Variants in PPP1R42 observed in about 807,000 individuals in gnomAD.
PPP1R42 encodes the protein leucine rich repeat containing 67.
In PPP1R42, 34 loss-of-function variants were observed where a neutral mutation model predicts 31.0. That is an observed-to-expected ratio of 1.10 (90% CI 0.83 to 1.46). The LOEUF (loss-of-function observed/expected upper bound fraction) is 1.46. PPP1R42 is among the 40% of genes most tolerant of loss of function. The pLI, the probability that PPP1R42 is intolerant of heterozygous loss-of-function variation, is 0.00. For missense variants in PPP1R42, 268 were observed against 303.0 expected (o/e 0.88, Z 0.86); for synonymous variants, 103 against 109.8 (o/e 0.94, Z 0.39).
chr8:67,014,378 C>T (rs762208410), intron 3 of PPP1R42, 48 bp downstream of exon 3: 7 of 1,168,238 alleles, frequency 6.0e-6, no homozygotes, highest in African/African-American at 3.2e-5. Flanking sequence ...AATGTAAGTA[C>T]CATAATCATA....
intron 6 of PPP1R42, chr8:66,985,788 GTCCATCA>G: frequency 8.2e-7 from 1 of 1,219,748 alleles, no homozygotes. Context: ...ATTTTGCTGC[GTCCATCA>G]TCTGTTTGAT....
intron 7 of PPP1R42, among the ~76,000 whole-genome samples, chr8:66,965,174 C>G (rs1018053825): frequency 6.6e-6 from 1 of 150,962 alleles, no homozygotes; most frequent in Non-Finnish European, 1.5e-5. Context: ...GTTTGTTTAT[C>G]CATTCCTCAG....
At chr8:66,965,359 A>G (rs981336225) in intron 7 of PPP1R42, among the ~76,000 whole-genome samples, 3 of 151,752 alleles carry the variant, frequency 2.0e-5, no homozygotes, top group Non-Finnish European at 4.4e-5. Context: ...TTTTGTGAGT[A>G]TACGTTTTCA....
chr8:66,987,704 C>T (rs1327390332), intron 6 of PPP1R42, among the ~76,000 whole-genome samples: 1 of 152,168 alleles, frequency 6.6e-6, no homozygotes, highest in Non-Finnish European at 1.5e-5. Flanking sequence ...ATAAGTTTCT[C>T]TCAATACAAA....
intron 5 of PPP1R42, among the ~76,000 whole-genome samples, chr8:67,005,721 C>G (rs1228254051): frequency 6.6e-6 from 1 of 152,066 alleles, no homozygotes; most frequent in Non-Finnish European, 1.5e-5. Context: ...ACTTCCAAAC[C>G]CACCCACTCC....
chr8:66,982,250 T>C, intron 6 of PPP1R42, 70 bp from the exon 7 acceptor site: 1 of 743,348 alleles, frequency 1.3e-6, no homozygotes, highest in Non-Finnish European at 1.9e-6. Flanking sequence ...TATGCACTTC[T>C]GGTTCAGAGC....
In PPP1R42 at chr8:67,010,756, T is replaced by A; in HGVS notation, c.511A>T (p.Asn171Tyr). The A allele has an allele frequency of 6.2e-7, 1 of 1,608,396 alleles. No individual in the cohort carries two copies. ...ITDLELLENLNQLIAVDNQLL... is the reference protein window; with the variant it reads ...ITDLELLENLYQLIAVDNQLL... ...TGGTTGTCAACGGCTATGAGCTGAT[T>A]AAGATTCTCTAGTAGTTCTAAGTCT... Residue 171 changes from asparagine (N) to tyrosine (Y), a missense_variant, in exon 5 of 8, where the codon AAT becomes TAT. Asn to Tyr is a moderately radical substitution (Grantham distance 143). Transcript: ENST00000685739.
chr8:66,995,583 G>A (rs577251249), intron 5 of PPP1R42, among the ~76,000 whole-genome samples: 4 of 152,244 alleles, frequency 2.6e-5, no homozygotes, highest in African/African-American at 7.2e-5. Context: ...CACTGGGCTG[G>A]GCTCTGGGTA....
At chr8:66,983,806 TATTTC>T (rs1814918580) in intron 6 of PPP1R42, among the ~76,000 whole-genome samples, 1 of 152,226 alleles carries the variant, frequency 6.6e-6, no homozygotes, top group African/African-American at 2.4e-5. Flanking sequence ...CTCCATATCT[TATTTC>T]ATGTACTTTT....
intron 7 of PPP1R42, chr8:66,970,909 T>A (rs1311223551): frequency 1.8e-6 from 2 of 1,132,284 alleles, no homozygotes. Flanking sequence ...CCTCTGTTCC[T>A]CTTTGTTTAC....
chr8:67,013,115 A>G lies in PPP1R42; in HGVS notation c.297-19T>C. On this transcript the variant is annotated intron_variant, in intron 3 of 7. Transcript: ENST00000685739. ...CAGATACCTGCAAAACATAGACATA[A>G]TTCTAAACAGACATTCTGAGAATGT... is the stretch of plus-strand genomic sequence containing the variant. The G allele has an allele frequency of 6.4e-7, 1 of 1,559,902 alleles. No homozygotes were observed. The highest frequency in any genetic ancestry group is 1.2e-5 in the South Asian group (1 of 80,528).
chr8:67,012,489 A>G (rs1381649832), intron 4 of PPP1R42, among the ~76,000 whole-genome samples: 2 of 152,180 alleles, frequency 1.3e-5, no homozygotes, highest in Non-Finnish European at 2.9e-5. Flanking sequence ...CTGATGTGGT[A>G]GAGCTGTATG....
chr8:66,968,195 G>A (rs1243158173), intron 7 of PPP1R42, among the ~76,000 whole-genome samples: 1 of 151,924 alleles, frequency 6.6e-6, no homozygotes, highest in African/African-American at 2.4e-5. Flanking sequence ...TCAGTTTGAG[G>A]GTCAAAAACA....
Position 67,012,965 on chromosome 8 carries a change from G to T in PPP1R42, c.428C>A (p.Ser143Tyr). Residue 143 changes from serine (S) to tyrosine (Y), a missense_variant, in exon 4 of 8, where the codon TCT (serine) becomes TAT (tyrosine). Transcript: ENST00000685739. ...KLLFDPRTLH[S>Y]LAKSLCILNI... Reference sequence around the variant, plus strand: ...ATTCAAATGTGAACTTACTGCCAGAGAATGAAGAGTTCTTGGATCAAACAG... The same window carrying T: ...ATTCAAATGTGAACTTACTGCCAGATAATGAAGAGTTCTTGGATCAAACAG... The T allele has an allele frequency of 6.3e-7, 1 of 1,598,290 alleles. No individual in the cohort carries two copies. The highest frequency in any genetic ancestry group is 8.5e-7 in the Non-Finnish European group (1 of 1,175,784).
rs1328022845 is a variant in PPP1R42, at chr8:66,965,672, G to A, written c.803-1338C>T. Reference sequence around the variant, plus strand: ...ACAGTGGTTCGCATCTGCAACCCCAGCACTTTGGGAGGCTGAGGCAGGAGG... The same window carrying A: ...ACAGTGGTTCGCATCTGCAACCCCAACACTTTGGGAGGCTGAGGCAGGAGG... On this transcript the variant is annotated intron_variant, in intron 7 of 7. Transcript: ENST00000685739. Among the ~76,000 whole-genome samples the A allele has an allele frequency of 2.4e-4, 36 of 152,114 alleles. 1 individual carries two copies. Among genetic ancestry groups the A allele is most frequent in the Admixed American group, 2.4e-3 (36 of 15,264 alleles).
At chr8:66,983,467 A>G (rs942189952) in intron 6 of PPP1R42, among the ~76,000 whole-genome samples, 1 of 151,896 alleles carries the variant, frequency 6.6e-6, no homozygotes, top group Non-Finnish European at 1.5e-5. Flanking sequence ...TTTCTTCAAA[A>G]TTTTTTTCTT....
intron 6 of PPP1R42, 25 bp downstream of exon 6, chr8:66,988,375 A>C: frequency 7.3e-7 from 1 of 1,362,436 alleles, no homozygotes; most frequent in South Asian, 2.0e-5. Context: ...ATTCTCTTAA[A>C]AATTATATTA....
chr8:66,981,563 TAGAGAC>T (rs1189014696), intron 7 of PPP1R42, among the ~76,000 whole-genome samples: 1 of 151,874 alleles, frequency 6.6e-6, no homozygotes, highest in Admixed American at 6.6e-5. Flanking sequence ...GTATTTTTAG[TAGAGAC>T]AGGGTTTCAT....
At chr8:66,988,607 T>C in intron 5 of PPP1R42, 90 bp from the exon 6 acceptor site, 1 of 1,197,106 alleles carries the variant, frequency 8.4e-7, no homozygotes, top group Middle Eastern at 2.1e-4. Flanking sequence ...AGGTAATTAC[T>C]GCTTTCATGG....
Sources: allele counts gnomAD v4.1 joint callset (sites outside exome capture counted in the v4.1 genomes callset), GRCh38; gene constraint gnomAD v4.1.1; transcripts MANE v1.5; gene names NCBI Gene and HGNC (gene_info 2026-07-23, HGNC 2026-07-21).